CSMD1: variants seen among roughly 807,000 people sequenced by gnomAD.
The protein encoded by CSMD1 is CUB and Sushi multiple domains 1, also known as CUB and sushi domain-containing protein 1.
In CSMD1, 213 loss-of-function variants were observed where a neutral mutation model predicts 417.5. That is an observed-to-expected ratio of 0.51 (90% confidence interval 0.46 to 0.57). The LOEUF (loss-of-function observed/expected upper bound fraction) is 0.57. Among genes scored for constraint, CSMD1 ranks in the 20% least tolerant of loss-of-function variants. The probability of loss-of-function intolerance (pLI) is 0.00; values close to 1 mark genes in which losing one functional copy is unlikely to be tolerated. For missense variants in CSMD1, 6,923 were observed against 4,529.7 expected (o/e 1.53, Z -15.17); for synonymous variants, 2,862 against 1,736.8 (o/e 1.65, Z -16.11).
chr8:4,381,606 C>A (rs1304397374), intron 3 of CSMD1, among the ~76,000 whole-genome samples: 1 of 152,082 alleles, frequency 6.6e-6, no homozygotes, highest in Non-Finnish European at 1.5e-5. Context: ...TTGGTTCCCG[C>A]CCTGAACACC....
intron 5 of CSMD1, among the ~76,000 whole-genome samples, chr8:3,837,708 G>A (rs1802800931): frequency 6.6e-6 from 1 of 152,090 alleles, no homozygotes; most frequent in African/African-American, 2.4e-5. Context: ...AATAGAGGTT[G>A]AGAACACATA....
Position 3,915,174 on chromosome 8 carries a change from G to A in CSMD1, c.818+82729C>T, listed in dbSNP as rs185384305. 4.3e-3 allele frequency among the ~76,000 whole-genome samples: 662 copies of A among 152,190 alleles called. 3 individuals are homozygous for A. Among genetic ancestry groups the A allele is most frequent in the Admixed American group, 6.9e-3 (105 of 15,288 alleles). ...TAATCCCAGCCCTTTGGGAGGCTGAGGCAGGAGGACCACCTAAGGTCAGGA... is the reference window on the plus strand; with the variant it reads ...TAATCCCAGCCCTTTGGGAGGCTGAAGCAGGAGGACCACCTAAGGTCAGGA... On this transcript the variant is annotated intron_variant, in intron 5 of 69. Transcript: ENST00000635120.
At chr8:4,234,341 C>T (rs761255202) in intron 3 of CSMD1, among the ~76,000 whole-genome samples, 1 of 152,126 alleles carries the variant, frequency 6.6e-6, no homozygotes, top group African/African-American at 2.4e-5. Flanking sequence ...TGGGCCGAGG[C>T]TCCTGAAGCA....
At chr8:3,710,453 C>G (rs1223800667) in intron 6 of CSMD1, among the ~76,000 whole-genome samples, 1 of 152,276 alleles carries the variant, frequency 6.6e-6, no homozygotes, top group African/African-American at 2.4e-5. Flanking sequence ...GCCCAGCCAA[C>G]TCAGTAACCG....
At chr8:3,038,354 T>A (rs1051700979) in intron 50 of CSMD1, among the ~76,000 whole-genome samples, 4 of 152,194 alleles carry the variant, frequency 2.6e-5, no homozygotes, top group African/African-American at 4.8e-5. Context: ...ATCCAACCCC[T>A]GGGAAGGATT....
intron 2 of CSMD1, among the ~76,000 whole-genome samples, chr8:4,626,497 G>A (rs1253116835): frequency 6.6e-6 from 1 of 152,126 alleles, no homozygotes; most frequent in East Asian, 1.9e-4. Flanking sequence ...GGGAAGTTGT[G>A]CTGAAAATCA....
chr8:3,637,051 G>C (rs144031374), intron 7 of CSMD1, among the ~76,000 whole-genome samples: 1 of 151,982 alleles, frequency 6.6e-6, no homozygotes, highest in Non-Finnish European at 1.5e-5. Context: ...GAAAACCCTC[G>C]CCAGAATCAG....
intron 1 of CSMD1, among the ~76,000 whole-genome samples, chr8:4,768,895 G>C (rs746720802): frequency 6.6e-6 from 1 of 152,204 alleles, no homozygotes; most frequent in East Asian, 1.9e-4. Flanking sequence ...TCCTAGCCGA[G>C]TCTTCCAGCA....
intron 1 of CSMD1, among the ~76,000 whole-genome samples, chr8:4,664,681 G>A (rs997637515): frequency 6.6e-6 from 1 of 152,036 alleles, no homozygotes; most frequent in African/African-American, 2.4e-5. Flanking sequence ...TAACAGGTTG[G>A]GAGCCATACA....
chr8:4,848,195 G>T (rs1563577816), intron 1 of CSMD1, among the ~76,000 whole-genome samples: 1 of 152,158 alleles, frequency 6.6e-6, no homozygotes, highest in Non-Finnish European at 1.5e-5. Flanking sequence ...GTATGGAAAT[G>T]GCACAGTTTG....
chr8:2,981,790 C>T (rs755999391), intron 54 of CSMD1, among the ~76,000 whole-genome samples: 2 of 152,154 alleles, frequency 1.3e-5, no homozygotes, highest in Non-Finnish European at 2.9e-5. Flanking sequence ...GGATCAATAA[C>T]AGGTCCAAAG....
At chr8:3,983,672 A>G (rs2130209190) in intron 5 of CSMD1, among the ~76,000 whole-genome samples, 1 of 152,310 alleles carries the variant, frequency 6.6e-6, no homozygotes, top group East Asian at 1.9e-4. Flanking sequence ...TGTGGAGTGT[A>G]TTTTCAGGAC....
In CSMD1 at chr8:3,284,039, T is replaced by A. The variant is rs1770819256; in HGVS notation, c.4153+105A>T. 3 of 938,594 alleles carry A rather than the reference T, an allele frequency of 3.2e-6. No individual in the cohort carries two copies. In the African/African-American group the frequency reaches 4.9e-5, roughly 15 times the overall value. The allele number at this position is 938,594 out of a possible 1,614,324, so 58.1% of individuals were successfully genotyped here. On this transcript the variant is annotated intron_variant, in intron 26 of 69. Coordinates refer to ENST00000635120, the MANE Select transcript of CSMD1 (RefSeq NM_033225.6). ...CTAACTTCAAATTAGGCTCAATAAA[T>A]TGCATCTGTGTAAGGAGACGCTGGT... is the stretch of plus-strand genomic sequence containing the variant.
At chr8:4,359,462 T>C (rs1801625024) in intron 3 of CSMD1, among the ~76,000 whole-genome samples, 1 of 152,250 alleles carries the variant, frequency 6.6e-6, no homozygotes, top group South Asian at 2.1e-4. Context: ...TAAGCCATTC[T>C]TTAAAAACAA....
intron 1 of CSMD1, among the ~76,000 whole-genome samples, chr8:4,755,821 T>C (rs776586645): frequency 3.2e-4 from 48 of 152,100 alleles, no homozygotes; most frequent in Non-Finnish European, 5.1e-4. Flanking sequence ...ACTATCTTAT[T>C]GTTACATTAA....
At chr8:4,493,047 A>G (rs1340809581) in intron 2 of CSMD1, among the ~76,000 whole-genome samples, 2 of 152,126 alleles carry the variant, frequency 1.3e-5, no homozygotes, top group African/African-American at 2.4e-5. Context: ...GATCAATATT[A>G]AATATTTCAG....
intron 12 of CSMD1, among the ~76,000 whole-genome samples, chr8:3,423,652 G>A (rs549234607): frequency 2.0e-5 from 3 of 152,300 alleles, no homozygotes; most frequent in South Asian, 4.2e-4. Context: ...GGGCATTTGG[G>A]TTGTTTCCAG....
At chr8:3,970,651 G>A (rs1040719588) in intron 5 of CSMD1, among the ~76,000 whole-genome samples, 1 of 152,172 alleles carries the variant, frequency 6.6e-6, no homozygotes, top group African/African-American at 2.4e-5. Context: ...CTAGAAACAT[G>A]AACATCAAGT....
chr8:4,623,869 C>T (rs1801932208), intron 2 of CSMD1, among the ~76,000 whole-genome samples: 4 of 152,034 alleles, frequency 2.6e-5, no homozygotes, highest in African/African-American at 9.7e-5. Context: ...TGACCGGGGT[C>T]ACAAGAAAAG....
Sources: allele counts gnomAD v4.1 joint callset (sites outside exome capture counted in the v4.1 genomes callset), GRCh38; gene constraint gnomAD v4.1.1; transcripts MANE v1.5; gene names NCBI Gene and HGNC (gene_info 2026-07-23, HGNC 2026-07-21).